Variants in EPHB2 observed in about 807,000 individuals in gnomAD.
EPHB2 encodes the protein ephrin type-B receptor 2.
In EPHB2, 18 loss-of-function variants were observed where a neutral mutation model predicts 96.4. That is an observed-to-expected ratio of 0.19 (90% confidence interval 0.13 to 0.28). The LOEUF is 0.28. Among genes scored for constraint, EPHB2 ranks in the 10% least tolerant of loss-of-function variants. The pLI is 1.00. For missense variants in EPHB2, 989 were observed against 1,355.4 expected (o/e 0.73, Z 4.25); for synonymous variants, 506 against 534.1 (o/e 0.95, Z 0.72).
chr1:22,778,326 C>A (rs187242160), intron 1 of EPHB2, among the ~76,000 whole-genome samples: 2 of 152,178 alleles, frequency 1.3e-5, no homozygotes, highest in Non-Finnish European at 2.9e-5. Flanking sequence ...CCTTTTATGG[C>A]AAGTGATATT....
intron 1 of EPHB2, among the ~76,000 whole-genome samples, chr1:22,759,380 C>T (rs576196602): frequency 0.029 from 86 of 2,962 alleles, 1 homozygote; most frequent in Admixed American, 0.071. Context: ...TCAACAGTAC[C>T]TGTTACTCTT....
intron 14 of EPHB2, 119 bp downstream of exon 14, chr1:22,910,694 C>G: frequency 7.6e-7 from 1 of 1,319,706 alleles, no homozygotes; most frequent in Non-Finnish European, 1.1e-6. Flanking sequence ...TGGGGAAGGA[C>G]AGGACTAGTG....
rs1408933402 is a variant in EPHB2, at chr1:22,733,014, C to T, written c.61+21971C>T. Among the ~76,000 whole-genome samples, 1 of 152,168 alleles carries T rather than the reference C, an allele frequency of 6.6e-6. No homozygotes were observed. Among genetic ancestry groups the T allele is most frequent in the East Asian group, 1.9e-4 (1 of 5,198 alleles). ...GTTTTAATCCAGGACTGTCCAGACT[C>T]TCTGTATGTTCCCCCTCCTAGGCTG... On this transcript the variant is annotated intron_variant, in intron 1 of 15. Coordinates refer to ENST00000374630, the MANE Select transcript of EPHB2 (RefSeq NM_017449.5). The surrounding 1 kb of genome is among the most constrained non-coding windows in gnomAD (Gnocchi z 4.6).
intron 6 of EPHB2, among the ~76,000 whole-genome samples, chr1:22,892,602 T>C (rs1013149808): frequency 1.3e-5 from 2 of 152,134 alleles, no homozygotes; most frequent in African/African-American, 4.8e-5. Flanking sequence ...AAGCCTCTGC[T>C]TGCATCATGT....
chr1:22,887,549 T>C (rs1374469796), intron 6 of EPHB2, among the ~76,000 whole-genome samples: 1 of 152,242 alleles, frequency 6.6e-6, no homozygotes, highest in African/African-American at 2.4e-5. Flanking sequence ...TTTCCCAGCC[T>C]GCCTGGAGTC....
intron 5 of EPHB2, among the ~76,000 whole-genome samples, chr1:22,873,581 T>A (rs1638741620): frequency 6.7e-6 from 1 of 149,736 alleles, no homozygotes; most frequent in South Asian, 2.1e-4. Flanking sequence ...TTAATACAAC[T>A]GGTCTAACAG....
chr1:22,737,914 G>C (rs141068806), intron 1 of EPHB2, among the ~76,000 whole-genome samples: 174 of 152,290 alleles, frequency 1.1e-3, no homozygotes, highest in Non-Finnish European at 1.9e-3. Context: ...TGATGCACAG[G>C]CTGTTCAGAT....
intron 3 of EPHB2, among the ~76,000 whole-genome samples, chr1:22,853,620 G>A (rs901499541): frequency 6.6e-6 from 1 of 152,260 alleles, no homozygotes; most frequent in Non-Finnish European, 1.5e-5. Flanking sequence ...GGAGCTGGGT[G>A]GGAGCTGGGA....
chr1:22,895,784 C>T (rs907190711), intron 8 of EPHB2, among the ~76,000 whole-genome samples: 5 of 152,260 alleles, frequency 3.3e-5, no homozygotes, highest in Admixed American at 2.6e-4. Context: ...TTGGGATAGG[C>T]ATCGCCCCTG....
At chr1:22,717,924 TGG>T (rs1643335065) in intron 1 of EPHB2, among the ~76,000 whole-genome samples, 1 of 152,178 alleles carries the variant, frequency 6.6e-6, no homozygotes, top group South Asian at 2.1e-4. Context: ...ATCTTTCAAA[TGG>T]GGGTAATCAT....
intron 1 of EPHB2, among the ~76,000 whole-genome samples, chr1:22,768,725 C>G (rs1221481533): frequency 1.3e-5 from 2 of 151,808 alleles, no homozygotes; most frequent in East Asian, 3.9e-4. Context: ...TTTGTGGTGT[C>G]TGGAGTTCTC....
At position 22,748,140 on chromosome 1, in the gene EPHB2, C is replaced by T. The variant is rs532979679; in HGVS notation, c.62-33281C>T. On this transcript the variant is annotated intron_variant, in intron 1 of 15. Coordinates refer to ENST00000374630, the MANE Select transcript of EPHB2 (RefSeq NM_017449.5). Reference sequence around the variant, plus strand: ...TGTAAAATGGAGCAAGTAATCTTATCAATTTCACTGGGTTACTGTGAACAT... The same window carrying T: ...TGTAAAATGGAGCAAGTAATCTTATTAATTTCACTGGGTTACTGTGAACAT... Among the ~76,000 whole-genome samples, 32 of 152,284 alleles carry T rather than the reference C, an allele frequency of 2.1e-4. 1 individual carries two copies. The highest frequency in any genetic ancestry group is 7.7e-4 in the African/African-American group (32 of 41,562).
intron 1 of EPHB2, among the ~76,000 whole-genome samples, chr1:22,712,203 A>ACTT (rs1643169630): frequency 6.6e-6 from 1 of 152,118 alleles, no homozygotes; most frequent in African/African-American, 2.4e-5. Flanking sequence ...TATGATTCCT[A>ACTT]CTTCTCTTGA....
chr1:22,910,606 A>G (rs1474319730), intron 14 of EPHB2, 31 bp downstream of exon 14: 4 of 1,611,992 alleles, frequency 2.5e-6, no homozygotes, highest in Non-Finnish European at 3.4e-6. Context: ...TGCCCCAGCC[A>G]GGCCCTGCCC....
rs1183532743 is a variant in EPHB2, at chr1:22,764,670, A to G, written c.62-16751A>G. On this transcript the variant is annotated intron_variant, in intron 1 of 15. Coordinates refer to ENST00000374630, the MANE Select transcript of EPHB2 (RefSeq NM_017449.5). ...CTGAGGCAGGAGAATCTCTTGAACC[A>G]GGGAGGCGGAGTTTGCAGAAAGCCG... Among the ~76,000 whole-genome samples the G allele has an allele frequency of 5.3e-5, 8 of 151,792 alleles. No individual in the cohort carries two copies. In the South Asian group the frequency reaches 1.7e-3, roughly 32 times the overall value.
At chr1:22,864,034 CTTTTTTTT>C (rs201727615) in intron 4 of EPHB2, among the ~76,000 whole-genome samples, 1 of 131,160 alleles carries the variant, frequency 7.6e-6, no homozygotes, top group African/African-American at 3.3e-5. Context: ...AGTTTCTGTT[CTTTTTTTT>C]TTTTTTTTTT....
chr1:22,891,428 G>A (rs1004567533), intron 6 of EPHB2, among the ~76,000 whole-genome samples: 6 of 152,228 alleles, frequency 3.9e-5, no homozygotes, highest in Admixed American at 1.3e-4. Context: ...ATCTTCAAAG[G>A]GTTGGGATCC....
At chr1:22,830,947 A>G (rs1645295284) in intron 3 of EPHB2, among the ~76,000 whole-genome samples, 2 of 152,246 alleles carry the variant, frequency 1.3e-5, no homozygotes, top group African/African-American at 4.8e-5. Context: ...AGAGGCTCCA[A>G]GAACGACAGC....
chr1:22,814,924 C>T (rs1315410913), intron 3 of EPHB2, among the ~76,000 whole-genome samples: 3 of 152,206 alleles, frequency 2.0e-5, no homozygotes, highest in African/African-American at 7.2e-5. Flanking sequence ...AAGCCCAGCT[C>T]GGCTCTGTGC....
Sources: gnomAD v4.1 joint callset for allele counts (sites outside exome capture counted in the v4.1 genomes callset) on GRCh38, gnomAD v4.1.1 for gene constraint, Gnocchi (gnomAD v3.1) non-coding constraint, MANE v1.5 for transcripts, NCBI Gene and HGNC (gene_info 2026-07-23, HGNC 2026-07-21) for gene names.